Variants in PRORP observed in about 807,000 individuals in gnomAD.
PRORP encodes the protein protein only RNase P catalytic subunit.
PRORP carries 51 observed loss-of-function variants against 59.4 expected under a neutral mutation model. The observed-to-expected ratio is 0.86, with a 90% CI of 0.69 to 1.08. PRORP has a LOEUF of 1.08. PRORP is among the 50% of genes least tolerant of loss of function. PRORP has a pLI of 0.00. For missense variants in PRORP, 646 were observed against 690.3 expected, an observed-to-expected ratio of 0.94 and a Z score of 0.72; for synonymous variants, 231 against 245.6, an observed-to-expected ratio of 0.94 and a Z score of 0.55.
chr14:35,154,268 A>G (rs2047855721), intron 4 of PRORP, among the ~76,000 whole-genome samples: 1 of 152,220 alleles, frequency 6.6e-6, no homozygotes, highest in Admixed American at 6.5e-5. Context: ...TATGTAGCAC[A>G]GTGTCAGTTT....
At chr14:35,221,987 C>A (rs921470910) in intron 5 of PRORP, among the ~76,000 whole-genome samples, 6 of 152,118 alleles carry the variant, frequency 3.9e-5, no homozygotes, top group Non-Finnish European at 8.8e-5. Flanking sequence ...TTGTCTTGTA[C>A]TTCTTTTCCC....
At chr14:35,262,563 G>T in intron 5 of PRORP, 1 of 693,648 alleles carries the variant, frequency 1.4e-6, no homozygotes, top group South Asian at 1.4e-5. Context: ...GAACCCTGCA[G>T]AGGGATTTCA....
At chr14:35,204,053 T>G (rs1438750611) in intron 5 of PRORP, among the ~76,000 whole-genome samples, 2 of 152,220 alleles carry the variant, frequency 1.3e-5, no homozygotes, top group Non-Finnish European at 2.9e-5. Flanking sequence ...TCACATATGG[T>G]ATCTGTTACC....
chr14:35,153,099 A>C (rs148103667), intron 4 of PRORP, among the ~76,000 whole-genome samples: 2 of 152,342 alleles, frequency 1.3e-5, no homozygotes, highest in South Asian at 2.1e-4. Flanking sequence ...AGCCTGGGCA[A>C]CATTGAGCAC....
At chr14:35,185,285 CT>C (rs1309008239) in intron 5 of PRORP, among the ~76,000 whole-genome samples, 1 of 152,056 alleles carries the variant, frequency 6.6e-6, no homozygotes, top group East Asian at 1.9e-4. Flanking sequence ...TGATATTGAG[CT>C]TTTTTTCATA....
intron 5 of PRORP, among the ~76,000 whole-genome samples, chr14:35,233,805 C>G (rs1003734208): frequency 6.6e-6 from 1 of 152,162 alleles, no homozygotes; most frequent in Non-Finnish European, 1.5e-5. Flanking sequence ...AGTGGTTCTT[C>G]CACCTTGATT....
rs1022342188 is a variant in PRORP, at chr14:35,126,650, A to G, written c.987-85A>G. ...CTTGAACTTTTCGGACTTCTTGCTT[A>G]TAAGAGTTTCCAAATACCATGAATA... On this transcript the variant is annotated intron_variant, in intron 2 of 7. Transcript: ENST00000534898. The G allele has an allele frequency of 2.3e-5, 24 of 1,046,650 alleles. No individual in the cohort carries two copies. In the African/African-American group the frequency reaches 2.7e-4, roughly 12 times the overall value. The allele number at this position is 1,046,650 out of a possible 1,614,324, so 64.8% of individuals were successfully genotyped here.
chr14:35,259,047 G>C (rs990780895), intron 5 of PRORP, among the ~76,000 whole-genome samples: 1 of 152,248 alleles, frequency 6.6e-6, no homozygotes, highest in African/African-American at 2.4e-5. Flanking sequence ...TGAGAGAGGA[G>C]TGTTGAGGTT....
intron 4 of PRORP, among the ~76,000 whole-genome samples, chr14:35,154,254 T>A (rs1299090379): frequency 1.3e-5 from 2 of 152,070 alleles, no homozygotes; most frequent in Non-Finnish European, 2.9e-5. Context: ...AAGTGCAGAG[T>A]CTGTATGTAG....
intron 5 of PRORP, among the ~76,000 whole-genome samples, chr14:35,261,288 C>T (rs2050895537): frequency 6.6e-6 from 1 of 152,108 alleles, no homozygotes; most frequent in Non-Finnish European, 1.5e-5. Flanking sequence ...TCCAAGTCTT[C>T]TTATGTTTAT....
intron 4 of PRORP, among the ~76,000 whole-genome samples, chr14:35,176,137 A>G (rs186100197): frequency 2.0e-5 from 3 of 152,330 alleles, no homozygotes; most frequent in Admixed American, 1.3e-4. Flanking sequence ...TGTTTTGGTT[A>G]CTATAACCTT....
At chr14:35,228,322 G>T (rs762899600) in intron 5 of PRORP, among the ~76,000 whole-genome samples, 2 of 152,154 alleles carry the variant, frequency 1.3e-5, no homozygotes, top group Non-Finnish European at 2.9e-5. Context: ...TTCTGTTTTA[G>T]ATTCTGGGGC....
intron 4 of PRORP, among the ~76,000 whole-genome samples, chr14:35,161,594 C>T (rs1595216152): frequency 6.6e-6 from 1 of 151,702 alleles, no homozygotes; most frequent in Admixed American, 6.6e-5. Flanking sequence ...TATTTTTTGG[C>T]CTGATTTGTT....
chr14:35,193,528 C>A (rs1320425671), intron 5 of PRORP, among the ~76,000 whole-genome samples: 1 of 151,820 alleles, frequency 6.6e-6, no homozygotes, highest in East Asian at 1.9e-4. Flanking sequence ...TATTTTATTT[C>A]TTTCTGTTGA....
chr14:35,261,191 G>T (rs1428024189), intron 5 of PRORP, among the ~76,000 whole-genome samples: 1 of 152,054 alleles, frequency 6.6e-6, no homozygotes, highest in East Asian at 1.9e-4. Context: ...GATCTATGTG[G>T]CAAAAAGAAA....
chr14:35,124,483 G>T, intron 2 of PRORP: 1 of 238,900 alleles, frequency 4.2e-6, no homozygotes, highest in Admixed American at 5.5e-5. Flanking sequence ...ATTCTTTTTT[G>T]TTGTTAGTTG....
chr14:35,133,530 T>C (rs1417335845), intron 4 of PRORP, among the ~76,000 whole-genome samples: 2 of 152,200 alleles, frequency 1.3e-5, no homozygotes, highest in African/African-American at 4.8e-5. Context: ...TTAGTTCATT[T>C]TGTGATGTCC....
intron 3 of PRORP, among the ~76,000 whole-genome samples, chr14:35,127,147 T>C (rs527644637): frequency 3.3e-5 from 5 of 152,218 alleles, no homozygotes; most frequent in African/African-American, 7.2e-5. Flanking sequence ...ATCCCAGCAC[T>C]TTGGGAGGCC....
chr14:35,130,884 C>T (rs927711184), intron 4 of PRORP, among the ~76,000 whole-genome samples: 3 of 152,012 alleles, frequency 2.0e-5, no homozygotes, highest in Non-Finnish European at 4.4e-5. Context: ...AAGTGATCTT[C>T]CCACCTTGGC....
Sources: allele counts gnomAD v4.1 joint callset (sites outside exome capture counted in the v4.1 genomes callset), GRCh38; gene constraint gnomAD v4.1.1; transcripts MANE v1.5; gene names NCBI Gene and HGNC (gene_info 2026-07-23, HGNC 2026-07-21).